Variants in AFF3 observed in about 807,000 individuals in gnomAD.
The protein encoded by AFF3 is AF4/FMR2 family member 3.
In AFF3, 32 loss-of-function variants were observed where a neutral mutation model predicts 129.7. That is an observed-to-expected ratio of 0.25 (90% CI 0.19 to 0.33). AFF3 has a LOEUF of 0.33. Ranked by LOEUF, AFF3 falls within the 10% of genes least tolerant of loss-of-function variation. AFF3 has a pLI of 1.00. For synonymous variants in AFF3, 644 were observed against 635.4 expected (o/e 1.01, Z -0.20); for missense variants, 1,373 against 1,592.0 (o/e 0.86, Z 2.34).
intron 11 of AFF3, among the ~76,000 whole-genome samples, chr2:99,696,085 C>T (rs1312423511): frequency 6.6e-6 from 1 of 151,790 alleles, no homozygotes; most frequent in Non-Finnish European, 1.5e-5. Flanking sequence ...AGCCTGACAG[C>T]CTCAGACAAC....
intron 11 of AFF3, among the ~76,000 whole-genome samples, chr2:99,677,462 T>C (rs1443767796): frequency 6.6e-6 from 1 of 152,088 alleles, no homozygotes; most frequent in Non-Finnish European, 1.5e-5. Flanking sequence ...TTTTTTAACG[T>C]GCGATTAAGC....
At chr2:100,100,495 A>G (rs945100906) in intron 4 of AFF3, among the ~76,000 whole-genome samples, 2 of 152,108 alleles carry the variant, frequency 1.3e-5, no homozygotes, top group African/African-American at 4.8e-5. Flanking sequence ...AAGGCCACCT[A>G]TTTCATGGAA....
At chr2:99,972,083 G>C (rs1359806673) in intron 7 of AFF3, among the ~76,000 whole-genome samples, 3 of 152,190 alleles carry the variant, frequency 2.0e-5, no homozygotes, top group Non-Finnish European at 2.9e-5. Flanking sequence ...TCTGCCAGAT[G>C]GCTAGTGGTT....
intron 4 of AFF3, among the ~76,000 whole-genome samples, chr2:100,028,224 A>C (rs937356249): frequency 6.6e-5 from 10 of 152,232 alleles, no homozygotes; most frequent in Non-Finnish European, 1.2e-4. Flanking sequence ...GAAACTTCCT[A>C]AAAACAATTT....
intron 8 of AFF3, among the ~76,000 whole-genome samples, chr2:99,781,633 G>C (rs1004126946): frequency 2.0e-5 from 3 of 152,196 alleles, no homozygotes; most frequent in African/African-American, 7.2e-5. Context: ...GGCCCTCAAA[G>C]CCTAAAATGT....
At chr2:99,900,786 C>T (rs886636914) in intron 7 of AFF3, among the ~76,000 whole-genome samples, 9 of 152,126 alleles carry the variant, frequency 5.9e-5, no homozygotes, top group African/African-American at 9.7e-5. Flanking sequence ...AAGAATAGAG[C>T]GGTAGCCATG....
intron 4 of AFF3, among the ~76,000 whole-genome samples, chr2:100,100,506 G>C (rs1448213692): frequency 1.3e-5 from 2 of 152,156 alleles, no homozygotes; most frequent in Non-Finnish European, 2.9e-5. Flanking sequence ...TTTCATGGAA[G>C]CCTTTGTTTT....
chr2:99,950,132 A>C (rs570860673), intron 7 of AFF3, among the ~76,000 whole-genome samples: 1 of 152,324 alleles, frequency 6.6e-6, no homozygotes, highest in African/African-American at 2.4e-5. Context: ...CTACTAACAA[A>C]GTGACTTTAG....
chr2:99,575,096 A>G (rs532800323), intron 18 of AFF3, among the ~76,000 whole-genome samples: 1 of 152,252 alleles, frequency 6.6e-6, no homozygotes, highest in African/African-American at 2.4e-5. Flanking sequence ...TTAATTAATC[A>G]TTATACTTCA....
chr2:99,927,120 A>G (rs1223233687), intron 7 of AFF3, among the ~76,000 whole-genome samples: 4 of 152,196 alleles, frequency 2.6e-5, no homozygotes, highest in African/African-American at 4.8e-5. Flanking sequence ...CCCCACTCTC[A>G]TCATGCCCCT....
intron 7 of AFF3, among the ~76,000 whole-genome samples, chr2:99,909,677 C>T (rs1295535048): frequency 6.6e-6 from 1 of 151,760 alleles, no homozygotes; most frequent in Non-Finnish European, 1.5e-5. Context: ...TTTTGGGTCT[C>T]GGTATAGGCC....
In AFF3 at chr2:99,593,990, C is replaced by A. The variant is rs1255552567; in HGVS notation, c.1671G>T (p.Ala557=). ...QKSPPAAVAV[A]VSAAAPPPAV... ...CGGGTGGCGGGGCGGCTGCGCTCAC[C>A]GCCACGGCCACGGCCGCGGGCGGGG... The change falls in exon 15 of 25, where the codon GCG becomes GCT. Residue 557 remains alanine (A), a synonymous_variant. Coordinates refer to ENST00000672756, the MANE Select transcript of AFF3 (RefSeq NM_001386135.1). 1.3e-6 allele frequency: 2 copies of A among 1,531,254 alleles called. No individual in the cohort carries two copies. Among genetic ancestry groups the A allele is most frequent in the African/African-American group, 1.4e-5 (1 of 72,130 alleles). The allele number at this position is 1,531,254 out of a possible 1,614,324, so 94.9% of individuals were successfully genotyped here. A position where few individuals can be genotyped will look rare whatever the true frequency, so the allele number is the denominator to read the frequency against.
chr2:99,642,423 G>A (rs1684292796), intron 13 of AFF3, among the ~76,000 whole-genome samples: 1 of 151,922 alleles, frequency 6.6e-6, no homozygotes. Context: ...GAGCCACTAA[G>A]CGATGAGCCC....
chr2:99,726,952 T>C, intron 11 of AFF3, 125 bp downstream of exon 11: 1 of 857,958 alleles, frequency 1.2e-6, no homozygotes, highest in Non-Finnish European at 1.7e-6. Flanking sequence ...GACATTATCA[T>C]GAGAAAAGAG....
intron 4 of AFF3, among the ~76,000 whole-genome samples, chr2:100,067,244 C>A (rs1687804113): frequency 1.3e-5 from 2 of 151,654 alleles, no homozygotes; most frequent in African/African-American, 4.8e-5. Flanking sequence ...AATCCTAAAC[C>A]CCTTTCGTCC....
intron 7 of AFF3, among the ~76,000 whole-genome samples, chr2:99,945,860 C>T (rs1164052774): frequency 1.3e-5 from 2 of 152,178 alleles, no homozygotes; most frequent in African/African-American, 2.4e-5. Context: ...CCCAGCCACT[C>T]GGCACCTATC....
intron 4 of AFF3, among the ~76,000 whole-genome samples, chr2:100,048,102 ACTGT>A (rs1436711128): frequency 3.3e-5 from 5 of 152,224 alleles, no homozygotes; most frequent in African/African-American, 4.8e-5. Flanking sequence ...CTTTGTCAGA[ACTGT>A]CTAAGATTAC....
intron 7 of AFF3, among the ~76,000 whole-genome samples, chr2:99,837,889 G>A (rs1312300494): frequency 6.6e-6 from 1 of 152,198 alleles, no homozygotes; most frequent in African/African-American, 2.4e-5. Flanking sequence ...CGCTACAACA[G>A]TGGATCCAAT....
In AFF3 at chr2:99,653,079, T is replaced by A. The variant is rs1385132979; in HGVS notation, c.1144-3413A>T. Among the ~76,000 whole-genome samples the A allele has an allele frequency of 2.6e-5, 4 of 152,184 alleles. No homozygotes were observed. The East Asian group carries it at 7.7e-4, about 29-fold the overall frequency. On this transcript the variant is annotated intron_variant, in intron 12 of 24. Coordinates refer to ENST00000672756, the MANE Select transcript of AFF3 (RefSeq NM_001386135.1). ...CGCACCCAGCAGGCAACAGGTGGCATCACTGCTGGCAGGTTTGTCTCCTGG... is the reference window on the plus strand; with the variant it reads ...CGCACCCAGCAGGCAACAGGTGGCAACACTGCTGGCAGGTTTGTCTCCTGG...
Sources: gnomAD v4.1 joint callset for allele counts (sites outside exome capture counted in the v4.1 genomes callset) on GRCh38, gnomAD v4.1.1 for gene constraint, MANE v1.5 for transcripts, NCBI Gene and HGNC (gene_info 2026-07-23, HGNC 2026-07-21) for gene names.